The following PACRG variants were observed in gnomAD, a reference collection of about 807,000 sequenced individuals.
PACRG encodes parkin coregulated, also known as parkin coregulated gene protein.
PACRG carries 29 observed loss-of-function variants against 29.7 expected under a neutral mutation model. The ratio of observed to expected loss-of-function variants is 0.98; its 90% CI spans 0.73 to 1.33. The LOEUF is 1.33. Ranked by LOEUF, PACRG falls within the 40% of genes most tolerant of loss-of-function variation. PACRG has a pLI of 0.00. For missense variants in PACRG, 279 were observed against 316.2 expected (o/e 0.88, Z 0.89); for synonymous variants, 116 against 118.7 (o/e 0.98, Z 0.15).
chr6:162,783,511 C>T (rs983233798), intron 1 of PACRG, among the ~76,000 whole-genome samples: 2 of 151,890 alleles, frequency 1.3e-5, no homozygotes, highest in Non-Finnish European at 2.9e-5. Context: ...TGTATTGGCA[C>T]CTCTTTCTCT....
chr6:162,830,879 A>G (rs1788709042), intron 2 of PACRG, among the ~76,000 whole-genome samples: 1 of 152,142 alleles, frequency 6.6e-6, no homozygotes, highest in Non-Finnish European at 1.5e-5. Context: ...CTTACTTTCA[A>G]CAAACACGTT....
At chr6:162,750,237 G>A (rs1467608214) in intron 1 of PACRG, among the ~76,000 whole-genome samples, 1 of 152,096 alleles carries the variant, frequency 6.6e-6, no homozygotes, top group South Asian at 2.1e-4. Flanking sequence ...TAGGCCAACC[G>A]CTGGCTTTCT....
intron 2 of PACRG, among the ~76,000 whole-genome samples, chr6:162,846,690 G>T (rs1180983851): frequency 6.6e-6 from 1 of 152,214 alleles, no homozygotes; most frequent in Non-Finnish European, 1.5e-5. Context: ...AGGACAGAAG[G>T]CACCACCATA....
Position 162,973,210 on chromosome 6 carries a change from C to A in PACRG, c.292-88940C>A, listed in dbSNP as rs188804315. Among the ~76,000 whole-genome samples the A allele has an allele frequency of 2.6e-4, 39 of 152,352 alleles. No homozygotes were observed. The East Asian group carries it at 7.3e-3, about 29-fold the overall frequency. On this transcript the variant is annotated intron_variant, in intron 2 of 4. Transcript: ENST00000366888. ...ACATCAGTCCTCAACTTGGCCCCAG[C>A]ACTGACCAGTCATGAGGCAGCAGAG...
chr6:163,064,150 G>C (rs1353615603), intron 3 of PACRG, among the ~76,000 whole-genome samples: 2 of 151,492 alleles, frequency 1.3e-5, no homozygotes, highest in Non-Finnish European at 2.9e-5. Context: ...CTCTCCCTCA[G>C]AGTCCACTGG....
At chr6:163,058,464 A>G (rs1810785561) in intron 2 of PACRG, among the ~76,000 whole-genome samples, 1 of 152,218 alleles carries the variant, frequency 6.6e-6, no homozygotes, top group Non-Finnish European at 1.5e-5. Context: ...AATAATGTAC[A>G]AACAGGTCAT....
chr6:163,016,912 G>A (rs1806163136), intron 2 of PACRG, among the ~76,000 whole-genome samples: 2 of 151,996 alleles, frequency 1.3e-5, no homozygotes, highest in African/African-American at 4.8e-5. Flanking sequence ...TTTGGACAGT[G>A]CTTCATAAAA....
chr6:163,144,394 G>GT (rs904156783), intron 4 of PACRG, among the ~76,000 whole-genome samples: 4 of 151,742 alleles, frequency 2.6e-5, no homozygotes, highest in Non-Finnish European at 5.9e-5. Flanking sequence ...AACAACGTGG[G>GT]TTAGTAATAT....
chr6:162,922,794 A>G (rs1303537234), intron 2 of PACRG, among the ~76,000 whole-genome samples: 1 of 152,184 alleles, frequency 6.6e-6, no homozygotes, highest in African/African-American at 2.4e-5. Context: ...TATGTACACC[A>G]CATTTTATTC....
intron 2 of PACRG, among the ~76,000 whole-genome samples, chr6:162,896,715 G>A (rs1428039487): frequency 6.6e-6 from 1 of 152,158 alleles, no homozygotes; most frequent in Non-Finnish European, 1.5e-5. Flanking sequence ...ACAATCTGTA[G>A]CAATTTAGTA....
chr6:162,958,088 G>A (rs1259998997), intron 2 of PACRG, among the ~76,000 whole-genome samples: 1 of 152,102 alleles, frequency 6.6e-6, no homozygotes, highest in African/African-American at 2.4e-5. Flanking sequence ...GCATCACCTA[G>A]CCATCCTTCA....
intron 4 of PACRG, among the ~76,000 whole-genome samples, chr6:163,164,731 T>C (rs1423427244): frequency 6.6e-6 from 1 of 152,216 alleles, no homozygotes; most frequent in Non-Finnish European, 1.5e-5. Flanking sequence ...CACACTTGAA[T>C]TCCAAACATT....
intron 3 of PACRG, among the ~76,000 whole-genome samples, chr6:163,078,162 C>T (rs937531962): frequency 3.9e-5 from 6 of 152,302 alleles, no homozygotes; most frequent in South Asian, 2.1e-4. Flanking sequence ...TAACTGCTAT[C>T]GTCCAAGTTA....
At chr6:162,956,257 C>T (rs1270276323) in intron 2 of PACRG, among the ~76,000 whole-genome samples, 1 of 152,154 alleles carries the variant, frequency 6.6e-6, no homozygotes, top group Non-Finnish European at 1.5e-5. Flanking sequence ...AGACTTGCAT[C>T]CTGATGCATC....
In PACRG at chr6:163,239,943, A is replaced by AC. The variant is rs1308836961; in HGVS notation, c.614-74876dup. Among the ~76,000 whole-genome samples, 288 of 56,296 alleles carry AC rather than the reference A, an allele frequency of 5.1e-3. 2 individuals carry two copies. Among genetic ancestry groups the AC allele is most frequent in the African/African-American group, 0.018 (243 of 13,378 alleles). 36.9% of individuals were successfully genotyped at this position (56,296 alleles called of 152,430 possible). A position where few individuals can be genotyped will look rare whatever the true frequency, so the allele number is the denominator to read the frequency against. ...CCATCCATAACACACTCACACTCCC[A>AC]CCCCCCCCACACACTCACACTCCCA... On this transcript the variant is annotated intron_variant, in intron 4 of 4. Transcript: ENST00000366888.
intron 2 of PACRG, among the ~76,000 whole-genome samples, chr6:162,887,939 T>C (rs1391263527): frequency 2.6e-5 from 4 of 152,100 alleles, no homozygotes; most frequent in Admixed American, 2.6e-4. Context: ...ACAATGAACA[T>C]TTATTTCTCC....
At chr6:162,754,277 CT>C (rs1781730989) in intron 1 of PACRG, among the ~76,000 whole-genome samples, 1 of 152,022 alleles carries the variant, frequency 6.6e-6, no homozygotes, top group South Asian at 2.1e-4. Flanking sequence ...CCATTTGTAT[CT>C]CTTTTTTTGA....
At chr6:163,301,565 G>T (rs910279412) in intron 4 of PACRG, among the ~76,000 whole-genome samples, 1 of 152,174 alleles carries the variant, frequency 6.6e-6, no homozygotes. Context: ...GTCCCTCATG[G>T]CCTGAGGATG....
intron 1 of PACRG, among the ~76,000 whole-genome samples, chr6:162,801,777 T>A (rs1420981782): frequency 4.6e-5 from 7 of 152,252 alleles, no homozygotes; most frequent in Admixed American, 2.6e-4. Context: ...AATTTTTGGT[T>A]ATAAGATTGT....
Sources: allele counts gnomAD v4.1 joint callset (sites outside exome capture counted in the v4.1 genomes callset), GRCh38; gene constraint gnomAD v4.1.1; transcripts MANE v1.5; gene names NCBI Gene and HGNC (gene_info 2026-07-23, HGNC 2026-07-21).